ASMT: variants seen among roughly 807,000 people sequenced by gnomAD.
ASMT encodes the protein acetylserotonin O-methyltransferase.
A neutral mutation model predicts 41.3 loss-of-function variants in ASMT; 53 were observed. The observed-to-expected ratio is 1.28, with a 90% confidence interval of 1.03 to 1.61. The LOEUF is 1.61. Among genes scored for constraint, ASMT ranks in the 40% most tolerant of loss-of-function variants. ASMT has a pLI of 0.00. For missense variants in ASMT, 531 were observed against 441.3 expected (o/e 1.20, Z -1.82); for synonymous variants, 231 against 184.8 (o/e 1.25, Z -2.03).
intron 2 of ASMT, 96 bp downstream of exon 2, chrX:1,623,409 A>C: frequency 6.9e-7 from 1 of 1,455,106 alleles, no homozygotes; most frequent in Non-Finnish European, 9.6e-7. Context: ...ATCCTGGCTC[A>C]CACAGTGAAA....
intron 1 of ASMT, among the ~76,000 whole-genome samples, chrX:1,619,319 G>A (rs762061998): frequency 8.6e-5 from 13 of 151,174 alleles, no homozygotes; most frequent in South Asian, 6.3e-4. Context: ...GCGTGAACCC[G>A]GGAGGTGGAG....
intron 5 of ASMT, among the ~76,000 whole-genome samples, chrX:1,631,663 C>T (rs1264264521): frequency 3.3e-5 from 5 of 152,078 alleles, no homozygotes; most frequent in African/African-American, 1.2e-4. Context: ...TCCTGTAATC[C>T]CAGCACTTTG....
At position 1,636,579 on chromosome X, in the gene ASMT, A is replaced by G; in HGVS notation, c.910+19A>G. 3 of 1,613,826 alleles carry G rather than the reference A, an allele frequency of 1.9e-6. No homozygotes were observed. The highest frequency in any genetic ancestry group is 2.5e-6 in the Non-Finnish European group (3 of 1,179,848). On this transcript the variant is annotated intron_variant, in intron 8 of 8. Transcript: ENST00000381241. ...AAGCCAGGTAAGTTGTGGGGTTTGC[A>G]TTTCAGCGTGTGCTTGTGACACGGG...
intron 7 of ASMT, among the ~76,000 whole-genome samples, chrX:1,635,450 G>A (rs1231630329): frequency 1.2e-4 from 18 of 152,256 alleles, no homozygotes; most frequent in Middle Eastern, 3.4e-3. Flanking sequence ...CTTGACTGTA[G>A]GTTCAGTTCA....
chrX:1,633,659 A>ATTT (rs1934857959), intron 7 of ASMT, among the ~76,000 whole-genome samples: 1 of 77,586 alleles, frequency 1.3e-5, no homozygotes, highest in African/African-American at 6.1e-5. Flanking sequence ...TTTTTTTTTG[A>ATTT]GATGGAGTCT....
At chrX:1,622,138 C>T (rs1241304193) in intron 1 of ASMT, among the ~76,000 whole-genome samples, 8 of 150,904 alleles carry the variant, frequency 5.3e-5, no homozygotes, top group South Asian at 2.1e-4. Context: ...GATACAGGTG[C>T]GCACCACCAT....
intron 4 of ASMT, among the ~76,000 whole-genome samples, chrX:1,629,038 C>CCTTT (rs61574246): frequency 0.024 from 3,524 of 149,646 alleles, 134 homozygotes; most frequent in African/African-American, 0.083. Context: ...CTCCCTCCCT[C>CCTTT]CTTTCTTTCT....
At chrX:1,623,010 TA>T in intron 1 of ASMT, 128 bp from the exon 2 acceptor site, 1 of 816,286 alleles carries the variant, frequency 1.2e-6, no homozygotes, top group Non-Finnish European at 1.9e-6. Context: ...AAAAAAAAAA[TA>T]AATAAATGAA....
chrX:1,629,942 A>AAGTACC lies in ASMT; in HGVS notation c.562+4_562+9dup, dbSNP rs1569378099. 6.2e-7 allele frequency: 1 copy of AAGTACC among 1,610,652 alleles called. No individual in the cohort carries two copies. The highest frequency in any genetic ancestry group is 1.3e-5 in the African/African-American group (1 of 74,976). ...CCCACTTATGTGTGACCTTGGTGGTAAGTACCCCTCACCACTAATACCTCG... is the reference window on the plus strand; with the variant it reads ...CCCACTTATGTGTGACCTTGGTGGTAAGTACCAGTACCCCTCACCACTAATACCTCG... On this transcript the variant is annotated splice_donor_region_variant and intron_variant, in intron 5 of 8. Coordinates refer to ENST00000381241, the MANE Select transcript of ASMT (RefSeq NM_001171038.2).
chrX:1,632,858 T>TG, intron 6 of ASMT, 71 bp downstream of exon 6: 1 of 510,144 alleles, frequency 2.0e-6, no homozygotes. Flanking sequence ...TGTCAGGGCC[T>TG]GGGGGGCTGG....
At chrX:1,634,676 T>G (rs1410174663) in intron 7 of ASMT, among the ~76,000 whole-genome samples, 2 of 143,938 alleles carry the variant, frequency 1.4e-5, no homozygotes, top group Admixed American at 6.8e-5. Context: ...TTTTTTCTTG[T>G]TTTTTTGAGA....
chrX:1,627,633 C>CGAAATGAAATGAAATGAAAT lies in ASMT; in HGVS notation c.375-45_375-26dup, dbSNP rs542448808. On this transcript the variant is annotated intron_variant, in intron 3 of 8. Coordinates refer to ENST00000381241, the MANE Select transcript of ASMT (RefSeq NM_001171038.2). ...TGAAATGAAATGAAACGAAATGAAA[C>CGAAATGAAATGAAATGAAAT]GAAATGAAATGAAATGAAATGAAAT... The CGAAATGAAATGAAATGAAAT allele has an allele frequency of 1.4e-4, 163 of 1,199,428 alleles. 1 individual carries two copies. The highest frequency in any genetic ancestry group is 2.2e-4 in the Middle Eastern group (1 of 4,490). The allele number at this position is 1,199,428 out of a possible 1,614,324, so 74.3% of individuals were successfully genotyped here. A position where few individuals can be genotyped will look rare whatever the true frequency, so the allele number is the denominator to read the frequency against.
rs771507611 is a variant in ASMT, at chrX:1,627,931, T to G, written c.443+160T>G. 1.6e-4 allele frequency: 120 copies of G among 749,984 alleles called. No homozygotes were observed. In the East Asian group the frequency reaches 2.9e-3, roughly 18 times the overall value. The allele number at this position is 749,984 out of a possible 1,614,324, so 46.5% of individuals were successfully genotyped here. A position where few individuals can be genotyped will look rare whatever the true frequency, so the allele number is the denominator to read the frequency against. On this transcript the variant is annotated intron_variant, in intron 4 of 8. Transcript: ENST00000381241. Reference sequence around the variant, plus strand: ...CTATCCCCACTACTACCCCAGATTTTGCTCATCTGATGTTTAAATTGATCA... The same window carrying G: ...CTATCCCCACTACTACCCCAGATTTGGCTCATCTGATGTTTAAATTGATCA...
intron 1 of ASMT, among the ~76,000 whole-genome samples, chrX:1,616,853 C>CGCGTTCCA (rs1934143043): frequency 6.6e-6 from 1 of 151,496 alleles, no homozygotes; most frequent in African/African-American, 2.4e-5. Context: ...GGATTACAGG[C>CGCGTTCCA]ACCCGCCACC....
chrX:1,616,910 G>T (rs112028425), intron 1 of ASMT, among the ~76,000 whole-genome samples: 10 of 151,766 alleles, frequency 6.6e-5, no homozygotes, highest in Middle Eastern at 6.8e-3. Context: ...GGGTTTCACC[G>T]TGTTAGCCAG....
intron 1 of ASMT, among the ~76,000 whole-genome samples, chrX:1,616,149 C>T (rs1157707187): frequency 2.0e-5 from 3 of 151,002 alleles, no homozygotes; most frequent in Non-Finnish European, 4.4e-5. Context: ...CTGCTTCAGC[C>T]TCCCGAGTAT....
intron 4 of ASMT, among the ~76,000 whole-genome samples, chrX:1,628,632 CCT>C (rs1474628660): frequency 6.7e-6 from 1 of 149,900 alleles, no homozygotes; most frequent in Non-Finnish European, 1.5e-5. Flanking sequence ...TGTCCTGTTC[CCT>C]CTCTTTTCCT....
chrX:1,615,402 C>A, intron 1 of ASMT, 134 bp downstream of exon 1: 1 of 930,112 alleles, frequency 1.1e-6, no homozygotes, highest in Non-Finnish European at 1.7e-6. Flanking sequence ...GAAAGACGTA[C>A]ACCCACGATG....
At chrX:1,623,065 G>A in intron 1 of ASMT, 74 bp from the exon 2 acceptor site, 1 of 1,461,776 alleles carries the variant, frequency 6.8e-7, no homozygotes, top group South Asian at 1.1e-5. Context: ...AGCCTGCCAT[G>A]GTATGGGGTG....
Sources: allele counts gnomAD v4.1 joint callset (sites outside exome capture counted in the v4.1 genomes callset), GRCh38; gene constraint gnomAD v4.1.1; transcripts MANE v1.5; gene names NCBI Gene and HGNC (gene_info 2026-07-23, HGNC 2026-07-21).